Variants in FRMD6 observed in about 807,000 individuals in gnomAD.
FRMD6 encodes the protein FERM domain containing 6, also known as FERM domain-containing protein 6.
A neutral mutation model predicts 73.2 loss-of-function variants in FRMD6; 37 were observed. That is an observed-to-expected ratio of 0.51 (90% CI 0.39 to 0.66). FRMD6 has a LOEUF of 0.66. FRMD6 is among the 30% of genes least tolerant of loss of function. The pLI, the probability that FRMD6 is intolerant of heterozygous loss-of-function variation, is 0.00. For missense variants in FRMD6, 714 were observed against 780.5 expected (o/e 0.91, Z 1.02); for synonymous variants, 273 against 282.2 (o/e 0.97, Z 0.33).
chr14:51,463,682 G>A, the FRMD6 span, among the ~76,000 whole-genome samples: 22 of 152,324 alleles, frequency 1.4e-4, no homozygotes, highest in East Asian at 3.9e-3. Flanking sequence ...AGGCTCCAGT[G>A]CCTCTGACAC....
At chr14:51,495,462 T>C (rs1883240205) in intron 1 of FRMD6, among the ~76,000 whole-genome samples, 1 of 152,196 alleles carries the variant, frequency 6.6e-6, no homozygotes, top group Non-Finnish European at 1.5e-5. Flanking sequence ...CTGAGTCAAA[T>C]AGAATGACAA....
intron 2 of FRMD6, among the ~76,000 whole-genome samples, chr14:51,591,732 G>A (rs901635257): frequency 3.3e-5 from 5 of 152,018 alleles, no homozygotes; most frequent in Admixed American, 6.6e-5. Context: ...TAGTAGAGAC[G>A]GGGTTTCACC....
At chr14:51,672,056 C>T (rs921596492) in intron 1 of FRMD6, among the ~76,000 whole-genome samples, 1 of 152,186 alleles carries the variant, frequency 6.6e-6, no homozygotes, top group African/African-American at 2.4e-5. Flanking sequence ...TGAAGCATTT[C>T]TTCAAAGAAT....
intron 1 of FRMD6, among the ~76,000 whole-genome samples, chr14:51,652,522 C>T (rs932255038): frequency 2.0e-5 from 3 of 152,220 alleles, no homozygotes; most frequent in African/African-American, 4.8e-5. Flanking sequence ...CTGCGCCGTG[C>T]CGCCTGTTGT....
chr14:51,576,967 A>G (rs564899526), intron 2 of FRMD6, among the ~76,000 whole-genome samples: 4 of 152,330 alleles, frequency 2.6e-5, no homozygotes, highest in African/African-American at 9.6e-5. Context: ...ACACATTTTA[A>G]AGCACTATGC....
At chr14:51,627,648 C>T (rs1254817370) in intron 2 of FRMD6, among the ~76,000 whole-genome samples, 1 of 152,210 alleles carries the variant, frequency 6.6e-6, no homozygotes, top group African/African-American at 2.4e-5. Context: ...CACTCCATTT[C>T]CATTCCTGAT....
At chr14:51,666,205 A>C (rs1295810975) in intron 1 of FRMD6, among the ~76,000 whole-genome samples, 1 of 152,230 alleles carries the variant, frequency 6.6e-6, no homozygotes, top group Non-Finnish European at 1.5e-5. Context: ...TTTGAGTATG[A>C]ATTCACTAAA....
At chr14:51,720,010 C>A (rs368113281) in intron 10 of FRMD6, 45 bp from the exon 11 acceptor site, 2 of 1,476,998 alleles carry the variant, frequency 1.4e-6, no homozygotes, top group South Asian at 1.3e-5. Context: ...GCTCACCAGC[C>A]GTTCCTTCTG....
chr14:51,567,202 TTAA>T (rs1887824556), intron 1 of FRMD6, among the ~76,000 whole-genome samples: 1 of 152,206 alleles, frequency 6.6e-6, no homozygotes, highest in Non-Finnish European at 1.5e-5. Context: ...AAAATGTATT[TTAA>T]TGTAAAATCT....
chr14:51,570,996 T>G (rs1223427089), intron 2 of FRMD6, among the ~76,000 whole-genome samples: 1 of 152,236 alleles, frequency 6.6e-6, no homozygotes, highest in Non-Finnish European at 1.5e-5. Flanking sequence ...TTGTTAGCTT[T>G]GAGGAGGAAA....
chr14:51,404,698 C>T, the FRMD6 span, among the ~76,000 whole-genome samples: 1 of 152,174 alleles, frequency 6.6e-6, no homozygotes, highest in African/African-American at 2.4e-5. Context: ...CCACAAGCCA[C>T]ATGTATGCTT....
chr14:51,547,140 T>A (rs1886518039), intron 1 of FRMD6, among the ~76,000 whole-genome samples: 1 of 152,136 alleles, frequency 6.6e-6, no homozygotes, highest in Non-Finnish European at 1.5e-5. Flanking sequence ...TTCCACAGTG[T>A]TTTGCTGTCA....
At chr14:51,549,538 C>G (rs1184055478) in intron 1 of FRMD6, among the ~76,000 whole-genome samples, 21 of 150,608 alleles carry the variant, frequency 1.4e-4, no homozygotes, top group Admixed American at 1.4e-3. Flanking sequence ...TTGCTATGTT[C>G]CTTTTTTCTA....
chr14:51,429,970 G>A, the FRMD6 span, among the ~76,000 whole-genome samples: 1 of 152,146 alleles, frequency 6.6e-6, no homozygotes, highest in Non-Finnish European at 1.5e-5. Context: ...TACATCACTA[G>A]TAACATCCTC....
the FRMD6 span, among the ~76,000 whole-genome samples, chr14:51,424,728 AT>A: frequency 1.3e-5 from 2 of 152,234 alleles, no homozygotes; most frequent in African/African-American, 4.8e-5. Flanking sequence ...ATTCTTGCAG[AT>A]GTAAAAAAGT....
At chr14:51,451,840 C>T in the FRMD6 span, among the ~76,000 whole-genome samples, 1 of 152,226 alleles carries the variant, frequency 6.6e-6, no homozygotes, top group Non-Finnish European at 1.5e-5. Flanking sequence ...TGCCATTTTT[C>T]CCGTACAACC....
intron 1 of FRMD6, among the ~76,000 whole-genome samples, chr14:51,542,355 A>G (rs1596563098): frequency 6.6e-6 from 1 of 151,992 alleles, no homozygotes; most frequent in Admixed American, 6.6e-5. Context: ...CTCATTCTGG[A>G]TATTTTCTAT....
intron 1 of FRMD6, among the ~76,000 whole-genome samples, chr14:51,508,818 T>C (rs1284728381): frequency 6.6e-6 from 1 of 152,238 alleles, no homozygotes; most frequent in Non-Finnish European, 1.5e-5. Context: ...TTTGATGTTC[T>C]CTGCCTTGAC....
chr14:51,398,469 A>G, the FRMD6 span, among the ~76,000 whole-genome samples: 1 of 152,166 alleles, frequency 6.6e-6, no homozygotes, highest in Non-Finnish European at 1.5e-5. Flanking sequence ...TTTTTCAAAG[A>G]ACTTTCTCTC....
Sources: gnomAD v4.1 joint callset for allele counts (sites outside exome capture counted in the v4.1 genomes callset) on GRCh38, gnomAD v4.1.1 for gene constraint, MANE v1.5 for transcripts, NCBI Gene and HGNC (gene_info 2026-07-23, HGNC 2026-07-21) for gene names.